The following KCNN2 variants were observed in gnomAD, a reference collection of about 807,000 sequenced individuals.
KCNN2 encodes the protein small conductance calcium-activated potassium channel protein 2.
Under a neutral mutation model 55.5 loss-of-function variants are expected in KCNN2, and 24 were observed. The ratio of observed to expected loss-of-function variants is 0.43; its 90% CI spans 0.31 to 0.61. The LOEUF is 0.61. Ranked by LOEUF, KCNN2 falls within the 20% of genes least tolerant of loss-of-function variation. The probability of loss-of-function intolerance (pLI) is 0.08; values close to 1 mark genes in which losing one functional copy is unlikely to be tolerated. For missense variants in KCNN2, 754 were observed against 853.6 expected (o/e 0.88, Z 1.45); for synonymous variants, 431 against 336.1 (o/e 1.28, Z -3.09).
rs866002372 is a variant in KCNN2, at chr5:114,216,738, C to G, written c.-270-4742C>G. Among the ~76,000 whole-genome samples, 8 of 152,240 alleles carry G rather than the reference C, an allele frequency of 5.3e-5. 1 individual carries two copies. Among genetic ancestry groups the G allele is most frequent in the Middle Eastern group, 6.8e-3 (2 of 294 alleles). ...GCAAGAATGTCCCTTCTCACCACTT[C>G]TTTTCATTGTTGCACTGGATGTTCT... On this transcript the variant is annotated intron_variant, in intron 1 of 10. Coordinates refer to the KCNN2 transcript ENST00000512097.
rs538720087 is a variant in KCNN2, at chr5:114,342,002, C to T, written c.-184-18943C>T. ...CTGCAAGCTCAGCCTCCTGGGTTCACGCCATTCTCCTGCCTCAGCCTCCCA... is the reference window on the plus strand; with the variant it reads ...CTGCAAGCTCAGCCTCCTGGGTTCATGCCATTCTCCTGCCTCAGCCTCCCA... On this transcript the variant is annotated intron_variant, in intron 2 of 10. Coordinates refer to the KCNN2 transcript ENST00000512097. Among the ~76,000 whole-genome samples, 238 of 151,544 alleles carry T rather than the reference C, an allele frequency of 1.6e-3. 2 individuals are homozygous for T. In the South Asian group the frequency reaches 0.018, roughly 11 times the overall value.
chr5:114,278,147 C>A (rs1755531064), intron 2 of KCNN2, among the ~76,000 whole-genome samples: 1 of 152,186 alleles, frequency 6.6e-6, no homozygotes, highest in Non-Finnish European at 1.5e-5. Context: ...CCACTCCAGA[C>A]CCTGTTTTCC....
At chr5:114,176,018 G>A (rs914156171) in intron 1 of KCNN2, among the ~76,000 whole-genome samples, 1 of 152,100 alleles carries the variant, frequency 6.6e-6, no homozygotes, top group African/African-American at 2.4e-5. Flanking sequence ...ATGTGCAATT[G>A]TTTTCTTTTT....
rs756994117 is a variant in KCNN2 at position 114,479,165 on chromosome 5, G to C, written c.1890+6001G>C. 2.7e-5 allele frequency among the ~76,000 whole-genome samples: 4 copies of C among 147,858 alleles called. No homozygotes were observed. The South Asian group carries it at 6.4e-4, about 24-fold the overall frequency. ...TCTTCAAGAGACCCTCTCATGTGCA[G>C]ACACACACATAGGCTCAAAATAAAG... On this transcript the variant is annotated intron_variant, in intron 5 of 7. Coordinates refer to ENST00000673685, the MANE Select transcript of KCNN2 (RefSeq NM_021614.4).
intron 3 of KCNN2, among the ~76,000 whole-genome samples, chr5:114,413,521 C>T (rs1009302445): frequency 6.6e-6 from 1 of 152,148 alleles, no homozygotes; most frequent in African/African-American, 2.4e-5. Context: ...TTCTTGACCT[C>T]AGGTGATTTG....
At chr5:114,388,592 G>A (rs1161306427) in intron 2 of KCNN2, among the ~76,000 whole-genome samples, 1 of 152,018 alleles carries the variant, frequency 6.6e-6, no homozygotes, top group African/African-American at 2.4e-5. Context: ...TACTAGCATG[G>A]TTACTTGTTT....
At chr5:114,192,840 T>C (rs1374618988) in intron 1 of KCNN2, among the ~76,000 whole-genome samples, 1 of 152,160 alleles carries the variant, frequency 6.6e-6, no homozygotes, top group Non-Finnish European at 1.5e-5. Flanking sequence ...GCTTCTGCTG[T>C]GGGCTGTTCT....
intron 6 of KCNN2, among the ~76,000 whole-genome samples, chr5:114,489,815 C>T (rs1014727227): frequency 2.0e-5 from 3 of 152,258 alleles, no homozygotes; most frequent in Middle Eastern, 3.4e-3. Context: ...GTGAGACCCT[C>T]GGCCTTATCT....
chr5:114,449,085 C>T (rs1426165723), intron 3 of KCNN2, among the ~76,000 whole-genome samples: 3 of 152,100 alleles, frequency 2.0e-5, no homozygotes, highest in East Asian at 3.9e-4. Context: ...ACAGAACGAT[C>T]GTGAGCTTTC....
intron 1 of KCNN2, among the ~76,000 whole-genome samples, chr5:114,170,168 C>A (rs1753003176): frequency 2.0e-5 from 3 of 152,052 alleles, no homozygotes. Flanking sequence ...AAAATTTTGG[C>A]TTGAGCTCAA....
chr5:114,192,861 C>T (rs1580606364), intron 1 of KCNN2, among the ~76,000 whole-genome samples: 1 of 152,012 alleles, frequency 6.6e-6, no homozygotes, highest in Non-Finnish European at 1.5e-5. Flanking sequence ...ACTCTTTGCC[C>T]CCAGCCTTCC....
intron 2 of KCNN2, among the ~76,000 whole-genome samples, chr5:114,324,147 A>T (rs541881322): frequency 6.6e-6 from 1 of 152,332 alleles, no homozygotes; most frequent in East Asian, 1.9e-4. Context: ...ATTAAAGAAT[A>T]ACTTTTATTA....
At chr5:114,347,330 T>C (rs1378420388) in intron 2 of KCNN2, among the ~76,000 whole-genome samples, 3 of 152,198 alleles carry the variant, frequency 2.0e-5, no homozygotes, top group South Asian at 4.1e-4. Context: ...GAAGACACCA[T>C]TGTCACCAAG....
intron 1 of KCNN2, among the ~76,000 whole-genome samples, chr5:114,200,990 T>A (rs1249032715): frequency 6.6e-6 from 1 of 152,116 alleles, no homozygotes; most frequent in Admixed American, 6.5e-5. Context: ...AGCTAATTCC[T>A]GACCCTCCAG....
intron 1 of KCNN2, among the ~76,000 whole-genome samples, chr5:114,179,298 C>G (rs1416101513): frequency 6.6e-6 from 1 of 152,146 alleles, no homozygotes; most frequent in Non-Finnish European, 1.5e-5. Context: ...TGTTGTCACA[C>G]CTCTGTTCAT....
At chr5:114,237,268 A>ACACACACACACACACACACACACT (rs1754518626) in intron 2 of KCNN2, among the ~76,000 whole-genome samples, 1 of 150,942 alleles carries the variant, frequency 6.6e-6, no homozygotes, top group Non-Finnish European at 1.5e-5. Flanking sequence ...ACACACACAC[A>ACACACACACACACACACACACACT]CACACACACA....
chr5:114,248,477 T>C (rs1580659045), intron 2 of KCNN2, among the ~76,000 whole-genome samples: 1 of 152,252 alleles, frequency 6.6e-6, no homozygotes, highest in South Asian at 2.1e-4. Flanking sequence ...AGAACATATC[T>C]GAAAGAGGCA....
At chr5:114,481,326 C>G (rs1469809739) in intron 5 of KCNN2, among the ~76,000 whole-genome samples, 1 of 152,086 alleles carries the variant, frequency 6.6e-6, no homozygotes, top group Non-Finnish European at 1.5e-5. Flanking sequence ...GAACTACAAA[C>G]CACTACTCAA....
chr5:114,181,676 A>G (rs966921600), intron 1 of KCNN2, among the ~76,000 whole-genome samples: 3 of 151,930 alleles, frequency 2.0e-5, no homozygotes, highest in African/African-American at 7.3e-5. Context: ...GCTTCGAAAT[A>G]TTTTTATAAT....
Sources: allele counts gnomAD v4.1 joint callset (sites outside exome capture counted in the v4.1 genomes callset), GRCh38; gene constraint gnomAD v4.1.1; transcripts MANE v1.5; gene names NCBI Gene and HGNC (gene_info 2026-07-23, HGNC 2026-07-21).